The following NELL1 variants were observed in gnomAD, a reference collection of about 807,000 sequenced individuals.
The protein encoded by NELL1 is neural EGFL like 1.
A neutral mutation model predicts 107.4 loss-of-function variants in NELL1; 76 were observed. The observed-to-expected ratio is 0.71, with a 90% CI of 0.59 to 0.86. NELL1 has a LOEUF of 0.86. NELL1 is among the 40% of genes least tolerant of loss of function. NELL1 has a pLI of 0.00. For synonymous variants in NELL1, 353 were observed against 341.2 expected (o/e 1.03, Z -0.38); for missense variants, 1,024 against 1,005.5 (o/e 1.02, Z -0.25).
At chr11:21,276,396 G>A (rs571947398) in intron 14 of NELL1, among the ~76,000 whole-genome samples, 1 of 152,296 alleles carries the variant, frequency 6.6e-6, no homozygotes, top group East Asian at 1.9e-4. Flanking sequence ...TGAAATAAAA[G>A]AGGATACAGA....
chr11:21,260,771 A>G (rs184732764), intron 14 of NELL1: 182 of 151,994 alleles, frequency 1.2e-3, no homozygotes, highest in African/African-American at 4.2e-3. Context: ...ATAAATTTTA[A>G]CTTATACTCA....
At position 20,919,242 on chromosome 11, in the gene NELL1, C is replaced by A; in HGVS notation, c.677-10C>A. 4.6e-6 allele frequency: 7 copies of A among 1,524,494 alleles called. No individual in the cohort carries two copies. Among genetic ancestry groups the A allele is most frequent in the Non-Finnish European group, 6.3e-6 (7 of 1,109,372 alleles). 94.4% of individuals were successfully genotyped at this position (1,524,494 alleles called of 1,614,324 possible). On this transcript the variant is annotated splice_polypyrimidine_tract_variant and intron_variant, in intron 6 of 19. Transcript: ENST00000357134. ...TATAAATATATATGTTTTATATTTT[C>A]TTTATTGAGCTTGCCCAACCTGCAG... is the stretch of plus-strand genomic sequence containing the variant.
intron 5 of NELL1, among the ~76,000 whole-genome samples, chr11:20,902,226 A>G (rs1028882228): frequency 2.0e-5 from 3 of 152,108 alleles, no homozygotes; most frequent in Non-Finnish European, 4.4e-5. Flanking sequence ...GACAACAATT[A>G]GCAAAAAAAA....
At chr11:21,543,871 C>G (rs1856360164) in intron 16 of NELL1, among the ~76,000 whole-genome samples, 1 of 151,994 alleles carries the variant, frequency 6.6e-6, no homozygotes, top group African/African-American at 2.4e-5. Context: ...CCTAGCTGGG[C>G]TGACAGAGCA....
intron 13 of NELL1, among the ~76,000 whole-genome samples, chr11:21,211,457 A>C (rs548518891): frequency 6.6e-6 from 1 of 152,274 alleles, no homozygotes; most frequent in African/African-American, 2.4e-5. Context: ...AATGTTAATA[A>C]TGTTTGTCTG....
At chr11:21,466,301 A>C (rs1469277914) in intron 15 of NELL1, among the ~76,000 whole-genome samples, 1 of 152,118 alleles carries the variant, frequency 6.6e-6, no homozygotes, top group East Asian at 1.9e-4. Context: ...AGCTGGATTC[A>C]TAAGGGATAG....
intron 14 of NELL1, among the ~76,000 whole-genome samples, chr11:21,301,207 G>A (rs534318787): frequency 2.6e-5 from 4 of 152,026 alleles, no homozygotes; most frequent in Admixed American, 2.0e-4. Context: ...ATAAACATAC[G>A]TGTGCATGTG....
At chr11:20,737,417 A>T (rs1321482778) in intron 2 of NELL1, among the ~76,000 whole-genome samples, 1 of 152,192 alleles carries the variant, frequency 6.6e-6, no homozygotes, top group Non-Finnish European at 1.5e-5. Flanking sequence ...ATAAAAAAGC[A>T]ACAATTATTA....
chr11:21,219,492 C>T (rs1398278928), intron 13 of NELL1, among the ~76,000 whole-genome samples: 1 of 152,120 alleles, frequency 6.6e-6, no homozygotes, highest in Non-Finnish European at 1.5e-5. Flanking sequence ...TATAATTCCA[C>T]TCACCTATTT....
intron 15 of NELL1, among the ~76,000 whole-genome samples, chr11:21,522,545 TA>T (rs1412348087): frequency 6.6e-6 from 1 of 151,968 alleles, no homozygotes; most frequent in Non-Finnish European, 1.5e-5. Context: ...GAAATGATAG[TA>T]AATGGAGACT....
At chr11:20,841,697 T>C (rs1384731895) in intron 3 of NELL1, among the ~76,000 whole-genome samples, 2 of 152,190 alleles carry the variant, frequency 1.3e-5, no homozygotes, top group Non-Finnish European at 2.9e-5. Context: ...ATGTAATAGA[T>C]GGCAGTGAAG....
chr11:20,910,938 C>A (rs1329853935), intron 5 of NELL1, among the ~76,000 whole-genome samples: 1 of 152,188 alleles, frequency 6.6e-6, no homozygotes, highest in Non-Finnish European at 1.5e-5. Flanking sequence ...ATGTCTCCAT[C>A]CCTTTTTAGT....
At chr11:21,271,702 G>T (rs1848743010) in intron 14 of NELL1, among the ~76,000 whole-genome samples, 1 of 152,146 alleles carries the variant, frequency 6.6e-6, no homozygotes, top group East Asian at 1.9e-4. Context: ...TATTTCTCAT[G>T]AACATAGATG....
At chr11:21,244,075 T>C (rs903939624) in intron 14 of NELL1, among the ~76,000 whole-genome samples, 2 of 152,118 alleles carry the variant, frequency 1.3e-5, no homozygotes, top group Non-Finnish European at 2.9e-5. Flanking sequence ...TTCTACAGCA[T>C]AACATTTCCT....
intron 2 of NELL1, among the ~76,000 whole-genome samples, chr11:20,692,693 G>C (rs1361679279): frequency 4.6e-5 from 7 of 152,022 alleles, no homozygotes; most frequent in Admixed American, 1.3e-4. Context: ...GCTGAGGAGT[G>C]CTTTACTTCC....
chr11:21,156,294 C>A (rs1489108593), intron 13 of NELL1, among the ~76,000 whole-genome samples: 2 of 152,092 alleles, frequency 1.3e-5, no homozygotes, highest in African/African-American at 4.8e-5. Context: ...TAAGCAAAAC[C>A]AGTCTGCCTG....
intron 13 of NELL1, among the ~76,000 whole-genome samples, chr11:21,166,616 AT>A (rs1463830701): frequency 6.6e-6 from 1 of 151,818 alleles, no homozygotes; most frequent in African/African-American, 2.4e-5. Flanking sequence ...AAAAAATAAA[AT>A]AATAAAAAAG....
chr11:20,717,955 C>T (rs555767879), intron 2 of NELL1, among the ~76,000 whole-genome samples: 38 of 152,268 alleles, frequency 2.5e-4, no homozygotes, highest in African/African-American at 8.9e-4. Context: ...TGGACCAAAA[C>T]CCCAAAGAGG....
At chr11:20,872,475 G>C (rs1317611220) in intron 4 of NELL1, among the ~76,000 whole-genome samples, 1 of 152,126 alleles carries the variant, frequency 6.6e-6, no homozygotes, top group Non-Finnish European at 1.5e-5. Context: ...GCCACATGGG[G>C]CCAGGCTGGC....
Sources: gnomAD v4.1 joint callset for allele counts (sites outside exome capture counted in the v4.1 genomes callset) on GRCh38, gnomAD v4.1.1 for gene constraint, MANE v1.5 for transcripts, NCBI Gene and HGNC (gene_info 2026-07-23, HGNC 2026-07-21) for gene names.